The following DMRT1 variants were observed in gnomAD, a reference collection of about 807,000 sequenced individuals.
DMRT1 encodes the protein doublesex- and mab-3-related transcription factor 1.
Under a neutral mutation model 32.3 loss-of-function variants are expected in DMRT1, and 7 were observed. The ratio of observed to expected loss-of-function variants is 0.22; its 90% CI spans 0.12 to 0.41. DMRT1 has a LOEUF of 0.41. Among genes scored for constraint, DMRT1 ranks in the 10% least tolerant of loss-of-function variants. The pLI is 1.00. For synonymous variants in DMRT1, 278 were observed against 206.1 expected (o/e 1.35, Z -2.99); for missense variants, 625 against 500.5 (o/e 1.25, Z -2.37).
At chr9:912,066 G>A (rs1472321978) in intron 3 of DMRT1, among the ~76,000 whole-genome samples, 1 of 152,208 alleles carries the variant, frequency 6.6e-6, no homozygotes, top group Non-Finnish European at 1.5e-5. Flanking sequence ...GGAGGCGTCA[G>A]GAAACTTGCA....
intron 4 of DMRT1, among the ~76,000 whole-genome samples, chr9:940,619 CT>C (rs1564265810): frequency 6.6e-6 from 1 of 152,038 alleles, no homozygotes; most frequent in African/African-American, 2.4e-5. Flanking sequence ...AGAGGAAAAG[CT>C]TCATTACATT....
chr9:863,625 G>A (rs544885195), intron 2 of DMRT1, among the ~76,000 whole-genome samples: 1 of 152,282 alleles, frequency 6.6e-6, no homozygotes, highest in East Asian at 1.9e-4. Context: ...AGAGGCTCCA[G>A]AAAGAAATGC....
At chr9:858,039 G>C (rs1212107914) in intron 2 of DMRT1, among the ~76,000 whole-genome samples, 1 of 151,954 alleles carries the variant, frequency 6.6e-6, no homozygotes. Flanking sequence ...TTGTACATTT[G>C]GGTTGGTTTC....
intron 2 of DMRT1, among the ~76,000 whole-genome samples, chr9:869,017 T>C (rs919482728): frequency 2.0e-5 from 3 of 151,806 alleles, no homozygotes; most frequent in Admixed American, 1.3e-4. Context: ...TCTGAAAAAA[T>C]AATAATAATA....
intron 3 of DMRT1, among the ~76,000 whole-genome samples, chr9:905,595 G>C (rs907905360): frequency 3.3e-5 from 5 of 151,900 alleles, no homozygotes; most frequent in African/African-American, 1.2e-4. Flanking sequence ...TTTTGTTTGA[G>C]TCATTTGTTT....
At chr9:842,978 A>T (rs1838752725) in intron 1 of DMRT1, 1 of 151,998 alleles carries the variant, frequency 6.6e-6, no homozygotes, top group Non-Finnish European at 1.5e-5. Flanking sequence ...GGAGGGTTCG[A>T]CTCCAAGGGA....
In DMRT1 at chr9:842,230, G is replaced by GGTTTTTTTTTTTT. The variant is rs1554739423; in HGVS notation, c.354+38_354+39insGTTTTTTTTTTTT. On this transcript the variant is annotated intron_variant, in intron 1 of 4. Transcript: ENST00000382276. The stretch of plus-strand genomic sequence containing the variant: ...GTGCGGGAGCCCGGGTTCAGCCTTA[G>GGTTTTTTTTTTTT]TTTTTTTTTTTTTTTTTTTTTTTAG... 19 of 1,267,138 alleles carry GGTTTTTTTTTTTT rather than the reference G, an allele frequency of 1.5e-5. 1 individual carries two copies. In the African/African-American group the frequency reaches 4.1e-4, roughly 27 times the overall value. 78.5% of individuals were successfully genotyped at this position (1,267,138 alleles called of 1,614,324 possible).
intron 2 of DMRT1, among the ~76,000 whole-genome samples, chr9:875,272 G>T (rs1816448438): frequency 6.6e-6 from 1 of 152,116 alleles, no homozygotes; most frequent in African/African-American, 2.4e-5. Flanking sequence ...TGTGGGTGAG[G>T]CTAGTGGTTG....
rs540617948 is a variant in DMRT1, at chr9:963,014, T to A, written c.968-4971T>A. On this transcript the variant is annotated intron_variant, in intron 4 of 4. Transcript: ENST00000382276. ...ATTATTTTGTGAATTGTGTGTACAT[T>A]ATGTTTTACATAAAATTTAGAGGGA... Among the ~76,000 whole-genome samples, 3 of 152,328 alleles carry A rather than the reference T, an allele frequency of 2.0e-5. No homozygotes were observed. The South Asian group carries it at 6.2e-4, about 32-fold the overall frequency.
chr9:888,173 G>A (rs1285890828), intron 2 of DMRT1, among the ~76,000 whole-genome samples: 1 of 152,200 alleles, frequency 6.6e-6, no homozygotes, highest in African/African-American at 2.4e-5. Flanking sequence ...TAGAATAAAT[G>A]AAGAAAGTCT....
At position 842,395 on chromosome 9, in the gene DMRT1, C is replaced by T. The variant is rs148624819; in HGVS notation, c.354+203C>T. The T allele has an allele frequency of 6.8e-3, 4,533 of 663,398 alleles. 152 individuals carry two copies. In the African/African-American group the frequency reaches 0.074, roughly 11 times the overall value. The allele number at this position is 663,398 out of a possible 1,614,324, so 41.1% of individuals were successfully genotyped here. A position where few individuals can be genotyped will look rare whatever the true frequency, so the allele number is the denominator to read the frequency against. On this transcript the variant is annotated intron_variant, in intron 1 of 4. Coordinates refer to ENST00000382276, the MANE Select transcript of DMRT1 (RefSeq NM_021951.3). ...GACTACAGGCGCACACCACCATGCC[C>T]GGCTAATTTTTGTATTTTTAGTAGA...
chr9:905,028 T>A (rs760305176), intron 3 of DMRT1, among the ~76,000 whole-genome samples: 2 of 151,972 alleles, frequency 1.3e-5, no homozygotes, highest in East Asian at 3.9e-4. Flanking sequence ...TGTGGAAAGA[T>A]GAGCCCTTGC....
intron 3 of DMRT1, among the ~76,000 whole-genome samples, chr9:916,333 G>C (rs1199038080): frequency 6.6e-6 from 1 of 152,042 alleles, no homozygotes; most frequent in East Asian, 1.9e-4. Context: ...ATTCATGGCT[G>C]AGGCCACTTC....
At chr9:928,744 T>G (rs1818611843) in intron 4 of DMRT1, among the ~76,000 whole-genome samples, 1 of 152,184 alleles carries the variant, frequency 6.6e-6, no homozygotes, top group Non-Finnish European at 1.5e-5. Flanking sequence ...AAATTTAAGT[T>G]TAAGATGTAC....
intron 4 of DMRT1, among the ~76,000 whole-genome samples, chr9:936,643 C>T (rs773219830): frequency 6.6e-6 from 1 of 151,644 alleles, no homozygotes; most frequent in Non-Finnish European, 1.5e-5. Flanking sequence ...ATCCCAGCTA[C>T]TCGGGAGGCT....
chr9:864,692 G>C (rs1025229405), intron 2 of DMRT1, among the ~76,000 whole-genome samples: 1 of 151,380 alleles, frequency 6.6e-6, no homozygotes, highest in Non-Finnish European at 1.5e-5. Flanking sequence ...AGTAGAGACA[G>C]GGTTTCACCA....
intron 4 of DMRT1, among the ~76,000 whole-genome samples, chr9:938,906 A>G (rs1180897107): frequency 6.6e-6 from 1 of 152,216 alleles, no homozygotes; most frequent in Non-Finnish European, 1.5e-5. Flanking sequence ...GTTGAACACT[A>G]ATAGCCTGAT....
intron 2 of DMRT1, among the ~76,000 whole-genome samples, chr9:872,189 G>C (rs1199522232): frequency 6.6e-6 from 1 of 150,926 alleles, no homozygotes; most frequent in African/African-American, 2.5e-5. Context: ...AGCCTCCCGA[G>C]TAGCTGGGAT....
chr9:916,849 C>T lies in DMRT1; in HGVS notation c.909C>T (p.Ser303=), dbSNP rs534737562. 2.2e-5 allele frequency: 36 copies of T among 1,614,076 alleles called. No individual in the cohort carries two copies. The highest frequency in any genetic ancestry group is 2.8e-5 in the Non-Finnish European group (33 of 1,180,044). The change falls in exon 4 of 5, where the codon AGC becomes AGT. Residue 303 remains serine, a synonymous_variant. Transcript: ENST00000382276. ...YYPPPSYLGQ[S]VPQFFTFEDA... Reference sequence around the variant, plus strand: ...CGCCTCCCTCTTACCTGGGCCAGAGCGTGCCCCAGTTCTTCACTTTTGAGG... The same window carrying T: ...CGCCTCCCTCTTACCTGGGCCAGAGTGTGCCCCAGTTCTTCACTTTTGAGG...
Sources: allele counts gnomAD v4.1 joint callset (sites outside exome capture counted in the v4.1 genomes callset), GRCh38; gene constraint gnomAD v4.1.1; transcripts MANE v1.5; gene names NCBI Gene and HGNC (gene_info 2026-07-23, HGNC 2026-07-21).